Variants in C5 observed in about 807,000 individuals in gnomAD.
The protein encoded by C5 is complement C5.
In C5, 140 loss-of-function variants were observed where a neutral mutation model predicts 218.8. The ratio of observed to expected loss-of-function variants is 0.64; its 90% CI spans 0.56 to 0.74. C5 has a LOEUF of 0.74. C5 is among the 30% of genes least tolerant of loss of function. The probability of loss-of-function intolerance (pLI) is 0.00; values close to 1 mark genes in which losing one functional copy is unlikely to be tolerated. For synonymous variants in C5, 614 were observed against 682.3 expected, an observed-to-expected ratio of 0.90 and a Z score of 1.56; for missense variants, 1,700 against 1,969.6, an observed-to-expected ratio of 0.86 and a Z score of 2.59.
upstream of C5, among the ~76,000 whole-genome samples, chr9:121,054,819 C>T (rs950787839): frequency 6.6e-6 from 1 of 151,990 alleles, no homozygotes; most frequent in Non-Finnish European, 1.5e-5. Flanking sequence ...GCAACCAGGC[C>T]TTCCCTTTCT....
intron 20 of C5, among the ~76,000 whole-genome samples, chr9:121,004,042 T>C (rs1303414738): frequency 6.6e-6 from 1 of 152,160 alleles, no homozygotes; most frequent in East Asian, 1.9e-4. Flanking sequence ...CTAACTTTTT[T>C]GTATTTTTAG....
At chr9:121,002,686 A>C (rs552501284) in intron 20 of C5, among the ~76,000 whole-genome samples, 2 of 152,124 alleles carry the variant, frequency 1.3e-5, no homozygotes, top group African/African-American at 4.8e-5. Flanking sequence ...AAACCACTAC[A>C]GGAACCTGAT....
At chr9:121,024,813 C>T (rs10985130) in intron 9 of C5, among the ~76,000 whole-genome samples, 18,382 of 152,152 alleles carry the variant, frequency 0.12, 1,591 homozygotes, top group African/African-American at 0.24. Context: ...CTGTCTTATA[C>T]CTGATGCTAA....
rs907743153 is a variant in C5 at position 121,023,471 on chromosome 9, G to A, written c.1049C>T (p.Ser350Phe). ...AGCAACCAAATTCAGTTTGTAGGGA[G>A]AGAGGACATATTTGATGCCAGGTAT... The part of the protein sequence containing the change: ...AEIPGIKYVL[S>F]PYKLNLVATP... Residue 350 changes from serine to phenylalanine, a missense_variant, in exon 10 of 41, where the codon TCT (serine) becomes TTT (phenylalanine). Ser to Phe is a radical substitution (Grantham distance 155, BLOSUM62 -2). Transcript: ENST00000223642. 3.1e-6 allele frequency: 5 copies of A among 1,613,990 alleles called. No homozygotes were observed. Among genetic ancestry groups the A allele is most frequent in the Non-Finnish European group, 3.4e-6 (4 of 1,179,832 alleles).
At chr9:121,064,701 T>C in the C5 span, among the ~76,000 whole-genome samples, 4 of 152,250 alleles carry the variant, frequency 2.6e-5, no homozygotes, top group African/African-American at 9.6e-5. Flanking sequence ...TAAAGCTGAA[T>C]GTCAATTAAA....
intron 37 of C5, 30 bp downstream of exon 37, chr9:120,961,452 T>C (rs760105449): frequency 1.4e-5 from 20 of 1,417,718 alleles, no homozygotes; most frequent in Non-Finnish European, 1.9e-5. Context: ...TAAATAAGCA[T>C]GCAGCCTAAA....
At chr9:120,988,716 G>A (rs1031504367) in intron 25 of C5, among the ~76,000 whole-genome samples, 2 of 152,150 alleles carry the variant, frequency 1.3e-5, no homozygotes, top group African/African-American at 4.8e-5. Flanking sequence ...GTTTTAACAG[G>A]GTCACTTCAG....
chr9:121,053,897 C>A (rs2047685355), upstream of C5, among the ~76,000 whole-genome samples: 2 of 152,164 alleles, frequency 1.3e-5, no homozygotes, highest in African/African-American at 4.8e-5. Flanking sequence ...AAACCCAGGT[C>A]ATGGCTAGCT....
intron 23 of C5, among the ~76,000 whole-genome samples, chr9:120,990,137 G>A (rs1425826103): frequency 6.6e-6 from 1 of 152,112 alleles, no homozygotes. Flanking sequence ...GCCTGAACAG[G>A]GAGTGCTGAC....
At chr9:120,994,918 T>C (rs1470970493) in intron 22 of C5, among the ~76,000 whole-genome samples, 1 of 122,774 alleles carries the variant, frequency 8.1e-6, no homozygotes, top group Admixed American at 9.1e-5. Flanking sequence ...GAAGCATCTG[T>C]GGTGAAAAAA....
chr9:121,063,564 T>C, the C5 span, among the ~76,000 whole-genome samples: 1 of 152,254 alleles, frequency 6.6e-6, no homozygotes, highest in East Asian at 1.9e-4. Flanking sequence ...GGCTACACTT[T>C]CCTGCATCTT....
In C5 at chr9:120,962,947, T is replaced by C. The variant is rs1298189645; in HGVS notation, c.4344A>G (p.Gln1448=). Reference sequence around the variant, plus strand: ...CTTTGATTTGGTAATCAGTGAATAGTTGATCCACCCCTTCCACAAGCTAAG... The same window carrying C: ...CTTTGATTTGGTAATCAGTGAATAGCTGATCCACCCCTTCCACAAGCTAAG... The part of the protein sequence containing the change: ...DLKALVEGVD[Q]LFTDYQIKDG... Residue 1448 remains glutamine (Q), a synonymous_variant, in exon 35 of 41, where the codon CAA becomes CAG. Transcript: ENST00000223642. The C allele has an allele frequency of 1.2e-6, 2 of 1,613,914 alleles. No homozygotes were observed. The highest frequency in any genetic ancestry group is 1.7e-6 in the Non-Finnish European group (2 of 1,179,794).
intron 3 of C5, among the ~76,000 whole-genome samples, chr9:121,041,450 G>A (rs1041217835): frequency 2.0e-5 from 3 of 151,552 alleles, no homozygotes; most frequent in African/African-American, 2.4e-5. Context: ...GATTACAGGC[G>A]CCTGCCACAG....
intron 5 of C5, among the ~76,000 whole-genome samples, chr9:121,032,606 A>C: frequency 6.6e-6 from 1 of 152,264 alleles, no homozygotes; most frequent in Non-Finnish European, 1.5e-5. Context: ...TATACAGATG[A>C]TAAAATTTAC....
At chr9:121,007,058 T>A in intron 18 of C5, 81 bp from the exon 19 acceptor site, 1 of 1,138,520 alleles carries the variant, frequency 8.8e-7, no homozygotes, top group South Asian at 1.2e-5. Flanking sequence ...TAACAGAATT[T>A]TTGCTTCAAA....
At chr9:121,068,498 G>A in the C5 span, among the ~76,000 whole-genome samples, 1 of 152,058 alleles carries the variant, frequency 6.6e-6, no homozygotes, top group African/African-American at 2.4e-5. Flanking sequence ...CAAATGGAAA[G>A]ACATCTCACT....
At chr9:121,021,157 A>G (rs1203314578) in intron 11 of C5, among the ~76,000 whole-genome samples, 2 of 152,070 alleles carry the variant, frequency 1.3e-5, no homozygotes, top group South Asian at 2.1e-4. Context: ...CATATTTTTG[A>G]CCCTTTTGTG....
intron 23 of C5, among the ~76,000 whole-genome samples, chr9:120,990,827 G>T (rs567491193): frequency 6.6e-6 from 1 of 152,300 alleles, no homozygotes; most frequent in South Asian, 2.1e-4. Flanking sequence ...TGCTGTTCTC[G>T]CTAGGCCATG....
intron 37 of C5, among the ~76,000 whole-genome samples, chr9:120,960,921 C>T (rs2046822611): frequency 6.6e-6 from 1 of 152,100 alleles, no homozygotes; most frequent in South Asian, 2.1e-4. Flanking sequence ...GATAATGTGA[C>T]TGATTTATAG....
Sources: allele counts gnomAD v4.1 joint callset (sites outside exome capture counted in the v4.1 genomes callset), GRCh38; gene constraint gnomAD v4.1.1; transcripts MANE v1.5; gene names NCBI Gene and HGNC (gene_info 2026-07-23, HGNC 2026-07-21).